The following CBLN2 variants were observed in gnomAD, a reference collection of about 807,000 sequenced individuals.
CBLN2 encodes cerebellin-2.
A neutral mutation model predicts 15.0 loss-of-function variants in CBLN2; 7 were observed. That is an observed-to-expected ratio of 0.47 (90% confidence interval 0.27 to 0.88). The LOEUF (loss-of-function observed/expected upper bound fraction) is 0.88. Ranked by LOEUF, CBLN2 falls within the 40% of genes least tolerant of loss-of-function variation. The probability of loss-of-function intolerance (pLI) is 0.14; values close to 1 mark genes in which losing one functional copy is unlikely to be tolerated. For missense variants in CBLN2, 242 were observed against 304.5 expected (o/e 0.79, Z 1.53); for synonymous variants, 149 against 135.2 (o/e 1.10, Z -0.71).
Position 72,538,024 on chromosome 18 carries a change from T to G in CBLN2, c.*152A>C, listed in dbSNP as rs1411660680. 1 of 745,380 alleles carries G rather than the reference T, an allele frequency of 1.3e-6. No homozygotes were observed. The highest frequency in any genetic ancestry group is 1.8e-5 in the African/African-American group (1 of 56,312). The allele number at this position is 745,380 out of a possible 1,614,324, so 46.2% of individuals were successfully genotyped here. On this transcript the variant is annotated 3_prime_UTR_variant, in exon 5 of 5. Transcript: ENST00000269503. ...GTATTCCAAAAAACAAAAACAAAAG[T>G]ACTGGAGGTTTCAAAGGAAATCATT...
intron 1 of CBLN2, among the ~76,000 whole-genome samples, chr18:72,554,334 G>A (rs2069210401): frequency 6.6e-6 from 1 of 151,726 alleles, no homozygotes; most frequent in Non-Finnish European, 1.5e-5. Context: ...TTCTTTAACC[G>A]GCCTTTTAAA....
At chr18:72,560,818 C>T (rs938617853) in intron 1 of CBLN2, among the ~76,000 whole-genome samples, 4 of 152,152 alleles carry the variant, frequency 2.6e-5, no homozygotes, top group Non-Finnish European at 5.9e-5. Flanking sequence ...ACCATCCTGG[C>T]TAACATGATG....
At chr18:72,592,642 T>C (rs1234372350) in intron 1 of CBLN2, among the ~76,000 whole-genome samples, 1 of 152,170 alleles carries the variant, frequency 6.6e-6, no homozygotes, top group Admixed American at 6.5e-5. Flanking sequence ...TATTTAAGTC[T>C]TTAATACATT....
At chr18:72,629,604 A>G (rs142856748) in intron 1 of CBLN2, among the ~76,000 whole-genome samples, 149 of 152,306 alleles carry the variant, frequency 9.8e-4, no homozygotes, top group Middle Eastern at 3.4e-3. Flanking sequence ...TTTTGAATTC[A>G]TGATTTATAT....
intron 1 of CBLN2, among the ~76,000 whole-genome samples, chr18:72,579,254 T>A (rs373861333): frequency 1.7e-4 from 26 of 152,246 alleles, no homozygotes; most frequent in African/African-American, 6.3e-4. Flanking sequence ...ACTAATGTTT[T>A]CAAATTCTCA....
intron 1 of CBLN2, among the ~76,000 whole-genome samples, chr18:72,572,154 T>C (rs769362043): frequency 6.6e-6 from 1 of 152,182 alleles, no homozygotes; most frequent in Non-Finnish European, 1.5e-5. Flanking sequence ...CTCCCCATCT[T>C]CTGCATTATA....
chr18:72,571,242 C>T (rs1011662466), intron 1 of CBLN2, among the ~76,000 whole-genome samples: 3 of 151,950 alleles, frequency 2.0e-5, no homozygotes, highest in African/African-American at 4.8e-5. Flanking sequence ...CAAATTTTAA[C>T]CAGAAATCCT....
chr18:72,583,301 T>C (rs1053495351), intron 1 of CBLN2, among the ~76,000 whole-genome samples: 1 of 152,236 alleles, frequency 6.6e-6, no homozygotes, highest in Non-Finnish European at 1.5e-5. Context: ...CTCATCTACC[T>C]GGACTTTGGA....
At position 72,630,588 on chromosome 18, in the gene CBLN2, G is replaced by GAGAGAGAGAGAGAGAGAGAGAGAGA. The variant is rs1568137265; in HGVS notation, c.15+7736_15+7737insTCTCTCTCTCTCTCTCTCTCTCTCT. ...GCAGAGAGAGAGAGAGAGAGAGAGA[G>GAGAGAGAGAGAGAGAGAGAGAGAGA]GCTTTCTGTATTTAGACAAGAAAAT... is the stretch of plus-strand genomic sequence containing the variant. On this transcript the variant is annotated intron_variant, in intron 1 of 2. Coordinates refer to the CBLN2 transcript ENST00000581073. Among the ~76,000 whole-genome samples the GAGAGAGAGAGAGAGAGAGAGAGAGA allele has an allele frequency of 4.0e-5, 6 of 150,602 alleles. No homozygotes were observed. In the South Asian group the frequency reaches 6.3e-4, roughly 16 times the overall value.
intron 1 of CBLN2, chr18:72,618,259 CT>C: frequency 3.2e-6 from 1 of 314,018 alleles, no homozygotes; most frequent in Admixed American, 4.2e-5. Context: ...TCTCTTTCCC[CT>C]GCTGTCATGT....
At chr18:72,596,025 T>A (rs979210275) in intron 1 of CBLN2, among the ~76,000 whole-genome samples, 19 of 152,266 alleles carry the variant, frequency 1.2e-4, no homozygotes, top group African/African-American at 3.8e-4. Context: ...TGTATTTATA[T>A]GCAATGTGAT....
intron 1 of CBLN2, among the ~76,000 whole-genome samples, chr18:72,575,550 C>T (rs1256973171): frequency 6.6e-6 from 1 of 152,046 alleles, no homozygotes; most frequent in Non-Finnish European, 1.5e-5. Flanking sequence ...GAAGGGAGGT[C>T]CATTTCTCCA....
At chr18:72,583,080 C>T (rs1039297963) in intron 1 of CBLN2, among the ~76,000 whole-genome samples, 2 of 152,166 alleles carry the variant, frequency 1.3e-5, no homozygotes, top group South Asian at 2.1e-4. Flanking sequence ...AAGCTGGGCC[C>T]GGGCCCAGGC....
chr18:72,539,177 A>AAACG (rs1257092599), intron 3 of CBLN2: 5 of 165,316 alleles, frequency 3.0e-5, no homozygotes, highest in Non-Finnish European at 5.3e-5. Context: ...TTTGACAAAA[A>AAACG]AACGAACAAA....
rs2069134570 is a variant in CBLN2, at chr18:72,543,553, G to C, written c.-211-23C>G. On this transcript the variant is annotated intron_variant, in intron 1 of 4. Transcript: ENST00000269503. The surrounding 1 kb of genome is among the most constrained non-coding windows in gnomAD (Gnocchi z 6.8). ...GCTCTGCTTAGAGAAAATGAGGCGA[G>C]TGGGAGCTGTCGGGAGGAGGACACG... 5.0e-6 allele frequency: 2 copies of C among 397,890 alleles called. No homozygotes were observed. Among genetic ancestry groups the C allele is most frequent in the South Asian group, 2.5e-4 (2 of 7,860 alleles). 24.6% of individuals were successfully genotyped at this position (397,890 alleles called of 1,614,324 possible).
chr18:72,619,889 T>C (rs2069688353), intron 1 of CBLN2, among the ~76,000 whole-genome samples: 4 of 152,344 alleles, frequency 2.6e-5, no homozygotes, highest in African/African-American at 7.2e-5. Flanking sequence ...TGTCTAACCC[T>C]CATGGGAGGC....
intron 1 of CBLN2, among the ~76,000 whole-genome samples, chr18:72,589,421 G>C (rs545129037): frequency 6.6e-6 from 1 of 152,262 alleles, no homozygotes; most frequent in South Asian, 2.1e-4. Flanking sequence ...CCCTCCAGTG[G>C]TGTAACCCTG....
In CBLN2 at chr18:72,619,179, G is replaced by T. The variant is rs983990319; in HGVS notation, c.15+19146C>A. ...ACCACAAAACCAAGGTGGCTGGGGTGGTTCCAGTAGCAGCAGTAGCTATGG... is the reference window on the plus strand; with the variant it reads ...ACCACAAAACCAAGGTGGCTGGGGTTGTTCCAGTAGCAGCAGTAGCTATGG... On this transcript the variant is annotated intron_variant, in intron 1 of 2. Coordinates refer to the CBLN2 transcript ENST00000581073. 5 of 784,740 alleles carry T rather than the reference G, an allele frequency of 6.4e-6. No homozygotes were observed. The East Asian group carries it at 1.4e-4, about 22-fold the overall frequency. 48.6% of individuals were successfully genotyped at this position (784,740 alleles called of 1,614,324 possible). A position where few individuals can be genotyped will look rare whatever the true frequency, so the allele number is the denominator to read the frequency against.
chr18:72,607,582 C>T (rs538274697), intron 1 of CBLN2, among the ~76,000 whole-genome samples: 1 of 152,294 alleles, frequency 6.6e-6, no homozygotes, highest in African/African-American at 2.4e-5. Context: ...TTCTGACATG[C>T]TATGCTAATT....
Sources: gnomAD v4.1 joint callset for allele counts (sites outside exome capture counted in the v4.1 genomes callset) on GRCh38, gnomAD v4.1.1 for gene constraint, Gnocchi (gnomAD v3.1) non-coding constraint, MANE v1.5 for transcripts, NCBI Gene and HGNC (gene_info 2026-07-23, HGNC 2026-07-21) for gene names.